Variants in CACNA1B observed in about 807,000 individuals in gnomAD.
CACNA1B encodes voltage-dependent N-type calcium channel subunit alpha-1B.
Under a neutral mutation model 247.2 loss-of-function variants are expected in CACNA1B, and 70 were observed. The ratio of observed to expected loss-of-function variants is 0.28; its 90% CI spans 0.23 to 0.35. CACNA1B has a LOEUF of 0.35. Ranked by LOEUF, CACNA1B falls within the 10% of genes least tolerant of loss-of-function variation. CACNA1B has a pLI of 1.00. For synonymous variants in CACNA1B, 1,231 were observed against 1,294.4 expected (o/e 0.95, Z 1.05); for missense variants, 2,367 against 3,197.4 (o/e 0.74, Z 6.26).
At chr9:137,967,495 A>G (rs1225096830) in intron 10 of CACNA1B, among the ~76,000 whole-genome samples, 1 of 151,988 alleles carries the variant, frequency 6.6e-6, no homozygotes, top group East Asian at 1.9e-4. Context: ...TTACCTTAGC[A>G]TCTTCTCTTC....
chr9:138,073,748 C>T lies in CACNA1B; in HGVS notation c.4791+144C>T, dbSNP rs1960213798. 1.5e-6 allele frequency: 1 copy of T among 647,384 alleles called. No homozygotes were observed. The highest frequency in any genetic ancestry group is 2.8e-6 in the Non-Finnish European group (1 of 363,418). 40.1% of individuals were successfully genotyped at this position (647,384 alleles called of 1,614,324 possible). ...GTGGTTGTATGCATTGTCCTGTTGT[C>T]ATTTATAAAGACGTTTTAAGTCATC... is the stretch of plus-strand genomic sequence containing the variant. On this transcript the variant is annotated intron_variant, in intron 33 of 46. Transcript: ENST00000371372. This position sits in a 1 kb window ranked among gnomAD's most constrained non-coding sequence, Gnocchi z 6.4.
chr9:138,009,887 G>A, intron 16 of CACNA1B, 123 bp from the exon 17 acceptor site: 1 of 717,434 alleles, frequency 1.4e-6, no homozygotes, highest in Non-Finnish European at 2.4e-6. Flanking sequence ...GGGCCTTGGG[G>A]AGCTGGTAGG....
In CACNA1B at chr9:138,073,694, G is replaced by A. The variant is rs1960211726; in HGVS notation, c.4791+90G>A. ...ACCACAGTGGCCCCTCCTTTGGGAGGCTGGGAGAGGGTATGGCATGCAGGT... is the reference window on the plus strand; with the variant it reads ...ACCACAGTGGCCCCTCCTTTGGGAGACTGGGAGAGGGTATGGCATGCAGGT... On this transcript the variant is annotated intron_variant, in intron 33 of 46. Transcript: ENST00000371372. This position sits in a 1 kb window ranked among gnomAD's most constrained non-coding sequence, Gnocchi z 6.4. The A allele has an allele frequency of 1.3e-6, 1 of 790,200 alleles. No individual in the cohort carries two copies. 48.9% of individuals were successfully genotyped at this position (790,200 alleles called of 1,614,324 possible).
intron 36 of CACNA1B, among the ~76,000 whole-genome samples, chr9:138,093,272 T>C (rs1242946692): frequency 1.3e-5 from 2 of 151,540 alleles, no homozygotes; most frequent in African/African-American, 4.9e-5. Flanking sequence ...ATACAAAAAT[T>C]AGCTGGGCCT....
chr9:138,121,995 G>A lies in CACNA1B; in HGVS notation c.7016G>A (p.Cys2339Tyr). The A allele has an allele frequency of 6.3e-7, 1 of 1,597,652 alleles. No homozygotes were observed. Among genetic ancestry groups the A allele is most frequent in the Non-Finnish European group, 8.5e-7 (1 of 1,178,366 alleles). Residue 2339 changes from cysteine (C) to tyrosine (Y), a missense_variant, in exon 47 of 47, where the codon TGC becomes TAC. Transcript: ENST00000371372. The surrounding 1 kb of genome is among the most constrained non-coding windows in gnomAD (Gnocchi z 6.8). Reference sequence around the variant, plus strand: ...CACCACCCTGACCAAGACCACTGGTGCTAGCTGCACCGTGACCGCTCAGAC... The same window carrying A: ...CACCACCCTGACCAAGACCACTGGTACTAGCTGCACCGTGACCGCTCAGAC... ...SYHHPDQDHW[C>Y]
chr9:138,088,064 A>G (rs1960758587), intron 36 of CACNA1B, among the ~76,000 whole-genome samples: 1 of 152,122 alleles, frequency 6.6e-6, no homozygotes, highest in Non-Finnish European at 1.5e-5. Context: ...AAACATTACA[A>G]AAGATCAACG....
intron 21 of CACNA1B, among the ~76,000 whole-genome samples, chr9:138,044,375 C>T (rs1351004187): frequency 6.6e-6 from 1 of 152,236 alleles, no homozygotes; most frequent in African/African-American, 2.4e-5. Flanking sequence ...GCAGACAGCA[C>T]TCTAGGTCCT....
At position 137,973,774 on chromosome 9, in the gene CACNA1B, G is replaced by A. The variant is rs1958184696; in HGVS notation, c.1544-2133G>A. 6.6e-6 allele frequency among the ~76,000 whole-genome samples: 1 copy of A among 152,212 alleles called. No homozygotes were observed. The highest frequency in any genetic ancestry group is 1.5e-5 in the Non-Finnish European group (1 of 68,038). ...AATGCCCTTTCTGGGCCTCAGAGTG[G>A]AGGCTGAGTATGTGAGGCTGAGGGC... On this transcript the variant is annotated intron_variant, in intron 11 of 46. Coordinates refer to ENST00000371372, the MANE Select transcript of CACNA1B (RefSeq NM_000718.4). The surrounding 1 kb of genome is among the most constrained non-coding windows in gnomAD (Gnocchi z 4.1).
chr9:138,052,859 C>T lies in CACNA1B; in HGVS notation c.3807+671C>T, dbSNP rs1554753080. On this transcript the variant is annotated intron_variant, in intron 25 of 46. Coordinates refer to ENST00000371372, the MANE Select transcript of CACNA1B (RefSeq NM_000718.4). This position sits in a 1 kb window ranked among gnomAD's most constrained non-coding sequence, Gnocchi z 5.1. ...TGGCACCTGCCCTGGCACCGAGTGG[C>T]GCTGTGCAGTGGTCATCCACAGTGT... is the stretch of plus-strand genomic sequence containing the variant. Among the ~76,000 whole-genome samples, 2 of 152,148 alleles carry T rather than the reference C, an allele frequency of 1.3e-5. No individual in the cohort carries two copies. The highest frequency in any genetic ancestry group is 2.9e-5 in the Non-Finnish European group (2 of 68,022).
Position 138,065,389 on chromosome 9 carries a change from C to T in CACNA1B, c.4669-4369C>T, listed in dbSNP as rs113333956. Among the ~76,000 whole-genome samples, 1,062 of 152,112 alleles carry T rather than the reference C, an allele frequency of 7.0e-3. 4 individuals carry two copies. Among genetic ancestry groups the T allele is most frequent in the Non-Finnish European group, 0.01 (708 of 67,990 alleles). ...AGGTGGAACTTGGGGAGGGTGAGTA[C>T]CATCGTGGAAAGCATCCACCTCAGC... On this transcript the variant is annotated intron_variant, in intron 31 of 46. Coordinates refer to ENST00000371372, the MANE Select transcript of CACNA1B (RefSeq NM_000718.4).
intron 10 of CACNA1B, among the ~76,000 whole-genome samples, chr9:137,967,924 C>T (rs1043100423): frequency 2.0e-5 from 3 of 152,220 alleles, no homozygotes; most frequent in Non-Finnish European, 4.4e-5. Flanking sequence ...TCAGTCCATG[C>T]CCTCTTCCTT....
chr9:138,082,044 C>T (rs538853457), intron 36 of CACNA1B, among the ~76,000 whole-genome samples: 13 of 151,236 alleles, frequency 8.6e-5, no homozygotes, highest in Admixed American at 3.9e-4. Flanking sequence ...AACTATAAAG[C>T]TCTTAGAAGA....
rs1312508557 is a variant in CACNA1B at position 137,954,899 on chromosome 9, A to G, written c.1071-799A>G. ...GTGTGTGAGAGAGAGAGAGAGAGAG[A>G]GAGGGGGAGAGAGAGAGAGAGAGAA... On this transcript the variant is annotated intron_variant, in intron 7 of 46. Transcript: ENST00000371372. This position sits in a 1 kb window ranked among gnomAD's most constrained non-coding sequence, Gnocchi z 4.1. Among the ~76,000 whole-genome samples, 104 of 114,194 alleles carry G rather than the reference A, an allele frequency of 9.1e-4. No homozygotes were observed. Among genetic ancestry groups the G allele is most frequent in the African/African-American group, 4.3e-3 (98 of 22,566 alleles). 74.9% of individuals were successfully genotyped at this position (114,194 alleles called of 152,430 possible).
intron 40 of CACNA1B, among the ~76,000 whole-genome samples, 194 bp from the exon 41 acceptor site, chr9:138,114,184 G>A (rs1589136260): frequency 6.6e-6 from 1 of 152,170 alleles, no homozygotes; most frequent in Non-Finnish European, 1.5e-5. Context: ...AGCATCTGGA[G>A]GAGCCCTAGG....
chr9:138,022,745 G>GC, intron 18 of CACNA1B, among the ~76,000 whole-genome samples: 1 of 146,464 alleles, frequency 6.8e-6, no homozygotes. Context: ...GCCTCCTTGA[G>GC]CCCCCCAGGG....
chr9:138,046,972 C>T lies in CACNA1B; in HGVS notation c.3482C>T (p.Ala1161Val), dbSNP rs1959190926. ...GAGGTGGTCATTCTCGTGGTCATCG[C>T]CTTGAGCAGCATCGCCCTGGCTGCT... ...YFEVVILVVI[A>V]LSSIALAAED... Residue 1161 changes from alanine (A) to valine (V), a missense_variant, in exon 22 of 47, where the codon GCC becomes GTC. Physicochemically the swap from Ala to Val is moderately conservative, Grantham distance 64. Transcript: ENST00000371372. The T allele has an allele frequency of 1.2e-6, 2 of 1,613,726 alleles. No homozygotes were observed. Among genetic ancestry groups the T allele is most frequent in the Non-Finnish European group, 1.7e-6 (2 of 1,179,644 alleles).
At chr9:138,044,044 C>A in intron 21 of CACNA1B, 144 bp downstream of exon 21, 1 of 1,149,764 alleles carries the variant, frequency 8.7e-7, no homozygotes, top group Non-Finnish European at 1.2e-6. Flanking sequence ...CCCAGAGGCA[C>A]GTGCCCGTGT....
intron 10 of CACNA1B, among the ~76,000 whole-genome samples, chr9:137,968,812 G>A (rs1016875131): frequency 4.6e-5 from 7 of 152,326 alleles, no homozygotes; most frequent in Middle Eastern, 3.4e-3. Flanking sequence ...CCTATTCTCA[G>A]CAGTACTTCA....
In CACNA1B at chr9:137,950,822, G is replaced by A. The variant is rs1957869414; in HGVS notation, c.967-1452G>A. On this transcript the variant is annotated intron_variant, in intron 6 of 46. Transcript: ENST00000371372. This position sits in a 1 kb window ranked among gnomAD's most constrained non-coding sequence, Gnocchi z 4.8. ...TCTGCTCTATTTTCTCCATCTTTCAGAGTCATTCTATATTTGCTTTATGAA... is the reference window on the plus strand; with the variant it reads ...TCTGCTCTATTTTCTCCATCTTTCAAAGTCATTCTATATTTGCTTTATGAA... Among the ~76,000 whole-genome samples, 1 of 152,226 alleles carries A rather than the reference G, an allele frequency of 6.6e-6. No homozygotes were observed. Among genetic ancestry groups the A allele is most frequent in the South Asian group, 2.1e-4 (1 of 4,836 alleles).
Sources: allele counts gnomAD v4.1 joint callset (sites outside exome capture counted in the v4.1 genomes callset), GRCh38; gene constraint gnomAD v4.1.1; non-coding constraint Gnocchi (gnomAD v3.1); transcripts MANE v1.5; gene names NCBI Gene and HGNC (gene_info 2026-07-23, HGNC 2026-07-21).